Variants in ACLY observed in about 807,000 individuals in gnomAD.
ACLY encodes the protein ATP citrate lyase.
Under a neutral mutation model 133.0 loss-of-function variants are expected in ACLY, and 41 were observed. The observed-to-expected ratio is 0.31, with a 90% CI of 0.24 to 0.40. ACLY has a LOEUF of 0.40. Among genes scored for constraint, ACLY ranks in the 10% least tolerant of loss-of-function variants. The probability of loss-of-function intolerance (pLI) is 1.00; values close to 1 mark genes in which losing one functional copy is unlikely to be tolerated. For missense variants in ACLY, 1,046 were observed against 1,453.8 expected, an observed-to-expected ratio of 0.72 and a Z score of 4.56; for synonymous variants, 495 against 549.3, an observed-to-expected ratio of 0.90 and a Z score of 1.38.
chr17:41,908,931 C>A (rs1204067971), intron 6 of ACLY, 58 bp downstream of exon 6: 5 of 1,406,124 alleles, frequency 3.6e-6, no homozygotes, highest in Non-Finnish European at 5.0e-6. Context: ...ATGCCAAGGC[C>A]AGGGCTGTCA....
chr17:41,912,312 G>A, intron 3 of ACLY, 108 bp downstream of exon 3: 1 of 1,465,964 alleles, frequency 6.8e-7, no homozygotes, highest in Non-Finnish European at 9.3e-7. Flanking sequence ...CCTTCCCTGA[G>A]CTACAATGAG....
intron 13 of ACLY, 122 bp downstream of exon 13, chr17:41,897,627 C>A: frequency 1.0e-6 from 1 of 952,400 alleles, no homozygotes; most frequent in Middle Eastern, 3.4e-4. Context: ...ACTCCCATTG[C>A]AAAACCCAAA....
chr17:41,892,973 C>T, intron 15 of ACLY, 60 bp downstream of exon 15: 1 of 1,577,844 alleles, frequency 6.3e-7, no homozygotes. Flanking sequence ...GCCACTGTGC[C>T]CAGCCCCAAG....
Position 41,886,284 on chromosome 17 carries a change from A to G in ACLY, c.1900T>C (p.Phe634Leu). Reference sequence around the variant, plus strand: ...ATCCCACCTGTGTTGCCAATCTTAAAGCACCCAGGCTTGATGCCTCCAACC... The same window carrying G: ...ATCCCACCTGTGTTGCCAATCTTAAGGCACCCAGGCTTGATGCCTCCAACC... The part of the protein sequence containing the change: ...ATVGGIKPGC[F>L]KIGNTGGMLD... The change falls in exon 18 of 29, where the codon TTT becomes CTT. Residue 634 changes from phenylalanine to leucine, a missense_variant. Physicochemically the swap from Phe to Leu is conservative, Grantham distance 22 (BLOSUM62 0). Around this residue, in one of 4 missense-constraint regions of ACLY, gnomAD observed 575 missense variants for 804.2 expected, o/e 0.71. Transcript: ENST00000352035. The G allele has an allele frequency of 6.2e-7, 1 of 1,613,300 alleles. No individual in the cohort carries two copies. The highest frequency in any genetic ancestry group is 8.5e-7 in the Non-Finnish European group (1 of 1,179,342).
At chr17:41,911,759 T>A (rs2049908589) in intron 3 of ACLY, among the ~76,000 whole-genome samples, 1 of 152,002 alleles carries the variant, frequency 6.6e-6, no homozygotes, top group Non-Finnish European at 1.5e-5. Flanking sequence ...GAGGCTGTAG[T>A]GAGATGTGAA....
intron 1 of ACLY, among the ~76,000 whole-genome samples, chr17:41,924,279 A>G (rs1598057811): frequency 2.0e-5 from 3 of 148,604 alleles, no homozygotes; most frequent in Non-Finnish European, 3.0e-5. Flanking sequence ...CAAGTAGCTG[A>G]GACTACAGGC....
chr17:41,892,621 G>A (rs1427934946), intron 15 of ACLY, among the ~76,000 whole-genome samples, 174 bp from the exon 16 acceptor site: 2 of 151,996 alleles, frequency 1.3e-5, no homozygotes, highest in Non-Finnish European at 2.9e-5. Context: ...TCTGTCTCTA[G>A]GATGGGCAAA....
intron 28 of ACLY, among the ~76,000 whole-genome samples, chr17:41,868,271 T>C (rs2048511955): frequency 1.3e-5 from 2 of 151,850 alleles, no homozygotes; most frequent in Admixed American, 1.3e-4. Context: ...ACCCCGTCTC[T>C]ACTAAAAATA....
chr17:41,907,017 C>A (rs1251824829), intron 7 of ACLY, among the ~76,000 whole-genome samples: 3 of 152,150 alleles, frequency 2.0e-5, no homozygotes, highest in African/African-American at 7.2e-5. Context: ...CAGACGAGAC[C>A]GTCTCCTAGC....
chr17:41,887,948 C>T (rs529842133), intron 16 of ACLY, among the ~76,000 whole-genome samples: 2,531 of 151,956 alleles, frequency 0.017, 81 homozygotes, highest in African/African-American at 0.058. Flanking sequence ...GCCAACGTAG[C>T]AAAACCCCGT....
intron 1 of ACLY, among the ~76,000 whole-genome samples, chr17:41,914,097 G>A (rs1452566134): frequency 7.9e-5 from 12 of 152,252 alleles, no homozygotes; most frequent in Admixed American, 5.9e-4. Flanking sequence ...AGAGGAAGAA[G>A]ATCCAGAGAT....
chr17:41,913,587 T>C lies in ACLY; in HGVS notation c.159+128A>G. ...CACAAACCCTGCTCAGCCCATGGCA[T>C]GCTTCCCACAGCTGCTGCTGGCAGC... On this transcript the variant is annotated intron_variant, in intron 2 of 28. Transcript: ENST00000352035. The C allele has an allele frequency of 3.0e-6, 3 of 999,630 alleles. No homozygotes were observed. In the South Asian group the frequency reaches 4.7e-5, roughly 16 times the overall value. The allele number at this position is 999,630 out of a possible 1,614,324, so 61.9% of individuals were successfully genotyped here. A position where few individuals can be genotyped will look rare whatever the true frequency, so the allele number is the denominator to read the frequency against.
At chr17:41,900,068 C>CAAAAAA (rs1555631248) in intron 11 of ACLY, among the ~76,000 whole-genome samples, 1 of 6,218 alleles carries the variant, frequency 1.6e-4, no homozygotes, top group East Asian at 0.014. Flanking sequence ...GACCCTGTCT[C>CAAAAAA]CAAAAAAAAA....
chr17:41,918,884 G>A lies in ACLY; in HGVS notation c.-28C>T, dbSNP rs772582665. ...AAAACAGCCTCCCGTGCTCACCTCT[G>A]CCGAAGTCCGTGCGCGGCGCTTCTT... On this transcript the variant is annotated 5_prime_UTR_variant, in exon 1 of 29. Coordinates refer to ENST00000352035, the MANE Select transcript of ACLY (RefSeq NM_001096.3). 671 of 1,288,396 alleles carry A rather than the reference G, an allele frequency of 5.2e-4. No homozygotes were observed. The highest frequency in any genetic ancestry group is 6.2e-4 in the Non-Finnish European group (611 of 988,420). 79.8% of individuals were successfully genotyped at this position (1,288,396 alleles called of 1,614,324 possible).
chr17:41,868,612 A>C, intron 28 of ACLY, 97 bp downstream of exon 28: 3 of 735,096 alleles, frequency 4.1e-6, no homozygotes, highest in Non-Finnish European at 6.0e-6. Flanking sequence ...AAAAAAAAAA[A>C]AAAGAAAGAA....
At chr17:41,919,278 G>A (rs910271254), upstream of ACLY, among the ~76,000 whole-genome samples, 1 of 151,560 alleles carries the variant, frequency 6.6e-6, no homozygotes, top group African/African-American at 2.4e-5. Flanking sequence ...CGCTTGAGGG[G>A]CTGGACAGAT....
At chr17:41,872,379 G>A (rs1464112187) in intron 23 of ACLY, among the ~76,000 whole-genome samples, 197 bp from the exon 24 acceptor site, 2 of 152,206 alleles carry the variant, frequency 1.3e-5, no homozygotes, top group African/African-American at 4.8e-5. Flanking sequence ...AGGCTGGAAT[G>A]CAGTAGTGTG....
At chr17:41,924,947 C>A (rs1302144636) in intron 1 of ACLY, among the ~76,000 whole-genome samples, 1 of 152,134 alleles carries the variant, frequency 6.6e-6, no homozygotes, top group Non-Finnish European at 1.5e-5. Flanking sequence ...TCAGGAAGAA[C>A]CTGTGCAGCC....
At chr17:41,888,846 C>T (rs1211143464) in intron 16 of ACLY, among the ~76,000 whole-genome samples, 2 of 152,104 alleles carry the variant, frequency 1.3e-5, no homozygotes, top group African/African-American at 4.8e-5. Flanking sequence ...TGGCTGTGCG[C>T]GGTGGCTCAC....
Sources: allele counts gnomAD v4.1 joint callset (sites outside exome capture counted in the v4.1 genomes callset), GRCh38; gene constraint gnomAD v4.1.1; regional missense constraint gnomAD v4.1.1; transcripts MANE v1.5; gene names NCBI Gene and HGNC (gene_info 2026-07-23, HGNC 2026-07-21).